MCF2L: variants seen among roughly 807,000 people sequenced by gnomAD.
MCF2L encodes guanine nucleotide exchange factor DBS.
MCF2L carries 97 observed loss-of-function variants against 153.4 expected under a neutral mutation model. The observed-to-expected ratio is 0.63, with a 90% CI of 0.54 to 0.75. The LOEUF (loss-of-function observed/expected upper bound fraction) is 0.75. Ranked by LOEUF, MCF2L falls within the 30% of genes least tolerant of loss-of-function variation. The probability of loss-of-function intolerance (pLI) is 0.00; values close to 1 mark genes in which losing one functional copy is unlikely to be tolerated. For missense variants in MCF2L, 1,347 were observed against 1,495.2 expected (o/e 0.90, Z 1.64); for synonymous variants, 659 against 632.2 (o/e 1.04, Z -0.64).
intron 7 of MCF2L, 117 bp from the exon 8 acceptor site, chr13:113,065,929 G>A (rs1357319114): frequency 1.8e-6 from 2 of 1,124,608 alleles, no homozygotes; most frequent in Admixed American, 2.8e-5. Flanking sequence ...GGGGGTCGGG[G>A]ATTGACCCCT....
At position 113,035,464 on chromosome 13, in the gene MCF2L, T is replaced by A. The variant is rs1197080329; in HGVS notation, c.279-9807T>A. Among the ~76,000 whole-genome samples, 2 of 152,120 alleles carry A rather than the reference T, an allele frequency of 1.3e-5. No homozygotes were observed. Among genetic ancestry groups the A allele is most frequent in the Non-Finnish European group, 2.9e-5 (2 of 68,012 alleles). ...CCCGGCTCTGCAGTCTGTTTTGCCG[T>A]TTTCCGCCTCAAACCCCCTCTGCGA... On this transcript the variant is annotated intron_variant, in intron 3 of 29. Transcript: ENST00000535094. This position sits in a 1 kb window ranked among gnomAD's most constrained non-coding sequence, Gnocchi z 4.4.
At chr13:112,968,768 G>A, upstream of MCF2L, 11 of 1,358,418 alleles carry the variant, frequency 8.1e-6, no homozygotes, top group Non-Finnish European at 1.0e-5. Flanking sequence ...GCACTCGCTC[G>A]GTCCACTCGC....
intron 26 of MCF2L, 151 bp from the exon 27 acceptor site, chr13:113,094,363 C>G: frequency 1.3e-6 from 1 of 742,008 alleles, no homozygotes; most frequent in Non-Finnish European, 2.1e-6. Context: ...TCCTGCTCAG[C>G]TCTTTATGAA....
intron 2 of MCF2L, among the ~76,000 whole-genome samples, chr13:112,959,078 G>A (rs1336937607): frequency 2.0e-5 from 3 of 152,302 alleles, no homozygotes; most frequent in South Asian, 2.1e-4. Context: ...GTGGTATTGC[G>A]GATAAATGTT....
intron 1 of MCF2L, among the ~76,000 whole-genome samples, chr13:113,007,352 G>C (rs982179772): frequency 6.6e-6 from 1 of 152,216 alleles, no homozygotes; most frequent in African/African-American, 2.4e-5. Flanking sequence ...GGCTCAGACA[G>C]TGTGACCTTG....
At position 112,904,673 on chromosome 13, in the gene MCF2L, C is replaced by G. The variant is rs1410915473; in HGVS notation, c.169+2302C>G. Reference sequence around the variant, plus strand: ...ATTGGAAGATAATCTGCTTAGAGTTCTGAGCGGTGAAGCCCTTCTGGCTGT... The same window carrying G: ...ATTGGAAGATAATCTGCTTAGAGTTGTGAGCGGTGAAGCCCTTCTGGCTGT... On this transcript the variant is annotated intron_variant, in intron 2 of 29. Transcript: ENST00000375608. This position sits in a 1 kb window ranked among gnomAD's most constrained non-coding sequence, Gnocchi z 4.2. 2.0e-5 allele frequency among the ~76,000 whole-genome samples: 3 copies of G among 152,270 alleles called. No homozygotes were observed. Among genetic ancestry groups the G allele is most frequent in the Admixed American group, 6.5e-5 (1 of 15,288 alleles).
rs2476321 is a variant in MCF2L at position 113,097,462 on chromosome 13, G to C, written c.*603G>C. ...TGTTTATACCACTAAGTGACTTTGG[G>C]GGGGCTCTCCCATGGAAACGGATGG... On this transcript the variant is annotated 3_prime_UTR_variant, in exon 30 of 30. Transcript: ENST00000535094. The C allele has an allele frequency of 0.98, 149,546 of 152,244 alleles. 73,507 individuals carry two copies. Among genetic ancestry groups the C allele is most frequent in the East Asian group, 1 (5,162 of 5,162 alleles). 9.4% of individuals were successfully genotyped at this position (152,244 alleles called of 1,614,324 possible).
At chr13:113,086,978 C>T (rs1419058934) in intron 21 of MCF2L, among the ~76,000 whole-genome samples, 3 of 152,182 alleles carry the variant, frequency 2.0e-5, no homozygotes, top group Non-Finnish European at 4.4e-5. Context: ...TAACATCCTA[C>T]ACCCAGCGCT....
chr13:113,089,967 G>A (rs995322455), intron 26 of MCF2L: 44 of 1,597,682 alleles, frequency 2.8e-5, no homozygotes, highest in Admixed American at 3.4e-5. Flanking sequence ...TCGGCCGAGC[G>A]TGCAACCCGG....
chr13:113,007,479 G>C (rs575037240), intron 1 of MCF2L, among the ~76,000 whole-genome samples: 3 of 152,180 alleles, frequency 2.0e-5, no homozygotes, highest in Non-Finnish European at 4.4e-5. Context: ...ACCGTGAGGC[G>C]GAGAAAGAGG....
intron 13 of MCF2L, among the ~76,000 whole-genome samples, chr13:113,077,605 T>A (rs1267038796): frequency 6.6e-6 from 1 of 152,140 alleles, no homozygotes; most frequent in Non-Finnish European, 1.5e-5. Context: ...CCTTTCCCGG[T>A]GCTATTGCCA....
At chr13:112,909,578 C>A in intron 2 of MCF2L, 1 of 431,772 alleles carries the variant, frequency 2.3e-6, no homozygotes. Context: ...AGTCTAATAA[C>A]CAAGAGGATG....
At position 112,951,506 on chromosome 13, in the gene MCF2L, G is replaced by T. The variant is rs935387603; in HGVS notation, c.169+49135G>T. ...TTGTACGTCCGCACCATGAACTATT[G>T]ATACCTGTGACAACCTGGATGAACT... On this transcript the variant is annotated intron_variant, in intron 2 of 29. Coordinates refer to the MCF2L transcript ENST00000375608. This position sits in a 1 kb window ranked among gnomAD's most constrained non-coding sequence, Gnocchi z 4.8. 2.0e-5 allele frequency among the ~76,000 whole-genome samples: 3 copies of T among 152,190 alleles called. No individual in the cohort carries two copies. Among genetic ancestry groups the T allele is most frequent in the Admixed American group, 6.5e-5 (1 of 15,268 alleles).
chr13:113,085,496 G>T (rs1049839471), intron 20 of MCF2L, among the ~76,000 whole-genome samples: 4 of 152,232 alleles, frequency 2.6e-5, no homozygotes, highest in Non-Finnish European at 4.4e-5. Context: ...CAGCAGGGAC[G>T]TGGGGCGGCC....
In MCF2L at chr13:113,078,606, G is replaced by C. The variant is rs367938982; in HGVS notation, c.1735-60G>C. ...ACGGGAACTGGTGGGCTCTGGCCTT[G>C]AGAGTTGGCCCTTGAGGTTCCGTCC... On this transcript the variant is annotated intron_variant, in intron 14 of 29. Coordinates refer to ENST00000535094, the MANE Select transcript of MCF2L (RefSeq NM_001112732.3). 324 of 1,510,818 alleles carry C rather than the reference G, an allele frequency of 2.1e-4. 1 individual carries two copies. Among genetic ancestry groups the C allele is most frequent in the Non-Finnish European group, 2.6e-4 (282 of 1,097,820 alleles). The allele number at this position is 1,510,818 out of a possible 1,614,324, so 93.6% of individuals were successfully genotyped here.
At chr13:112,961,601 G>A (rs901568947) in intron 2 of MCF2L, among the ~76,000 whole-genome samples, 4 of 152,200 alleles carry the variant, frequency 2.6e-5, no homozygotes, top group East Asian at 1.9e-4. Context: ...CACCCCTCTC[G>A]AGGCCCTTCC....
chr13:113,060,292 CAT>C (rs2031164316), intron 4 of MCF2L, among the ~76,000 whole-genome samples: 1 of 152,234 alleles, frequency 6.6e-6, no homozygotes, highest in South Asian at 2.1e-4. Flanking sequence ...GCTTCGACAT[CAT>C]AATTTGGGGG....
intron 5 of MCF2L, among the ~76,000 whole-genome samples, chr13:113,063,115 G>A (rs946419667): frequency 3.3e-5 from 5 of 152,248 alleles, no homozygotes; most frequent in Non-Finnish European, 7.3e-5. Context: ...GTGGAGTTTT[G>A]TGCACCTCCA....
intron 1 of MCF2L, among the ~76,000 whole-genome samples, chr13:112,994,610 G>T (rs1396750248): frequency 6.6e-6 from 1 of 152,236 alleles, no homozygotes; most frequent in Non-Finnish European, 1.5e-5. Flanking sequence ...TTGAACAGCT[G>T]GGCGCGGTGA....
Sources: gnomAD v4.1 joint callset for allele counts (sites outside exome capture counted in the v4.1 genomes callset) on GRCh38, gnomAD v4.1.1 for gene constraint, Gnocchi (gnomAD v3.1) non-coding constraint, MANE v1.5 for transcripts, NCBI Gene and HGNC (gene_info 2026-07-23, HGNC 2026-07-21) for gene names.